The following CCDC136 variants were observed in gnomAD, a reference collection of about 807,000 sequenced individuals.
The protein encoded by CCDC136 is coiled-coil domain-containing protein 136.
A neutral mutation model predicts 141.2 loss-of-function variants in CCDC136; 100 were observed. That is an observed-to-expected ratio of 0.71 (90% confidence interval 0.60 to 0.84). The LOEUF is 0.84. Ranked by LOEUF, CCDC136 falls within the 40% of genes least tolerant of loss-of-function variation. The pLI is 0.00. For synonymous variants in CCDC136, 474 were observed against 531.9 expected (o/e 0.89, Z 1.50); for missense variants, 1,206 against 1,379.4 (o/e 0.87, Z 1.99).
chr7:128,791,871 G>A, upstream of CCDC136: 1 of 404,952 alleles, frequency 2.5e-6, no homozygotes, highest in Non-Finnish European at 4.0e-6. The surrounding 1 kb of genome is among the most constrained non-coding windows in gnomAD (Gnocchi z 7.1). Flanking sequence ...CGCGGGGCGA[G>A]GGTGGGGTGG....
upstream of CCDC136, chr7:128,791,800 G>A (rs908613095): frequency 7.7e-6 from 3 of 391,864 alleles, no homozygotes; most frequent in African/African-American, 4.1e-5. This position sits in a 1 kb window ranked among gnomAD's most constrained non-coding sequence, Gnocchi z 7.1. Flanking sequence ...TCAGTCCGAC[G>A]GTGCTTCCAG....
intron 3 of CCDC136, among the ~76,000 whole-genome samples, chr7:128,797,670 G>A (rs934610460): frequency 2.0e-5 from 3 of 152,340 alleles, no homozygotes; most frequent in Admixed American, 2.0e-4. Context: ...GGAAATGGGA[G>A]ATGAAGGTGA....
At chr7:128,798,513 A>G (rs1350696388) in intron 3 of CCDC136, among the ~76,000 whole-genome samples, 1 of 151,812 alleles carries the variant, frequency 6.6e-6, no homozygotes, top group Non-Finnish European at 1.5e-5. Flanking sequence ...CAGCCTCCCA[A>G]AGTGCTGGGA....
At position 128,817,990 on chromosome 7, in the gene CCDC136, T is replaced by C; in HGVS notation, c.*5+126T>C. 1.4e-6 allele frequency: 1 copy of C among 719,942 alleles called. No homozygotes were observed. The highest frequency in any genetic ancestry group is 2.4e-6 in the Non-Finnish European group (1 of 411,320). The allele number at this position is 719,942 out of a possible 1,614,324, so 44.6% of individuals were successfully genotyped here. ...TGTGCCATTTTATAATAGGTGATGC[T>C]CAGGTCTGAGTTTTAGTTCTGACTT... On this transcript the variant is annotated intron_variant, in intron 17 of 17. Coordinates refer to ENST00000297788, the MANE Select transcript of CCDC136 (RefSeq NM_022742.5). This position sits in a 1 kb window ranked among gnomAD's most constrained non-coding sequence, Gnocchi z 4.6.
upstream of CCDC136, chr7:128,791,530 G>A: frequency 2.3e-6 from 3 of 1,291,294 alleles, no homozygotes; most frequent in South Asian, 2.6e-5. This position sits in a 1 kb window ranked among gnomAD's most constrained non-coding sequence, Gnocchi z 7.1. Flanking sequence ...GGGAGCCGCG[G>A]GCTGGAGCTG....
intron 3 of CCDC136, among the ~76,000 whole-genome samples, chr7:128,800,315 G>A (rs1324396953): frequency 2.0e-5 from 3 of 152,014 alleles, no homozygotes; most frequent in Non-Finnish European, 1.5e-5. Context: ...TTTCGAGACC[G>A]AGTCTCACTC....
rs761716462 is a variant in CCDC136 at position 128,807,522 on chromosome 7, G to C, written c.1582G>C (p.Asp528His). ...CAAGGCCTCCCACCCCATTCCGGAG[G>C]ACAAAGGAAAGTGTGCTAATAAGGT... ...ELKASHPIPE[D>H]KGKCANKCDT... is the part of the protein sequence containing the mutation. Residue 528 changes from aspartate to histidine, a missense_variant, in exon 10 of 18, where the codon GAC becomes CAC. Physicochemically the swap from Asp to His is moderately conservative, Grantham distance 81. Transcript: ENST00000297788. 1 of 1,474,496 alleles carries C rather than the reference G, an allele frequency of 6.8e-7. No homozygotes were observed. Among genetic ancestry groups the C allele is most frequent in the East Asian group, 2.7e-5 (1 of 36,528 alleles). The allele number at this position is 1,474,496 out of a possible 1,614,324, so 91.3% of individuals were successfully genotyped here.
At chr7:128,796,837 G>T (rs1803084629) in intron 3 of CCDC136, among the ~76,000 whole-genome samples, 1 of 145,444 alleles carries the variant, frequency 6.9e-6, no homozygotes, top group African/African-American at 2.6e-5. Flanking sequence ...CGCCTCCCGG[G>T]TTCACGCCAT....
intron 10 of CCDC136, chr7:128,809,202 A>C: frequency 2.3e-6 from 1 of 428,538 alleles, no homozygotes; most frequent in South Asian, 3.8e-5. Flanking sequence ...CCCAGAAAGG[A>C]ATGGTGGAAG....
chr7:128,796,739 A>ATTTT (rs1554377202), intron 3 of CCDC136, among the ~76,000 whole-genome samples: 3 of 113,384 alleles, frequency 2.6e-5, no homozygotes, highest in African/African-American at 9.2e-5. Context: ...ATATATATAT[A>ATTTT]TTCTTTTTTT....
intron 3 of CCDC136, among the ~76,000 whole-genome samples, chr7:128,800,336 G>C (rs1386879669): frequency 6.6e-6 from 1 of 152,172 alleles, no homozygotes; most frequent in Non-Finnish European, 1.5e-5. Flanking sequence ...TGTTGCCCAG[G>C]CTGGAGTGCA....
chr7:128,797,101 C>T (rs1342464369), intron 3 of CCDC136, among the ~76,000 whole-genome samples: 1 of 152,076 alleles, frequency 6.6e-6, no homozygotes, highest in Non-Finnish European at 1.5e-5. Context: ...CAGGGGATAA[C>T]AGAGACATGA....
chr7:128,794,179 A>T lies in CCDC136; in HGVS notation c.17-169A>T. 1 of 849,444 alleles carries T rather than the reference A, an allele frequency of 1.2e-6. No homozygotes were observed. The highest frequency in any genetic ancestry group is 1.9e-6 in the Non-Finnish European group (1 of 520,760). The allele number at this position is 849,444 out of a possible 1,614,324, so 52.6% of individuals were successfully genotyped here. A position where few individuals can be genotyped will look rare whatever the true frequency, so the allele number is the denominator to read the frequency against. On this transcript the variant is annotated intron_variant, in intron 1 of 17. Coordinates refer to ENST00000297788, the MANE Select transcript of CCDC136 (RefSeq NM_022742.5). The surrounding 1 kb of genome is among the most constrained non-coding windows in gnomAD (Gnocchi z 4.3). ...GGGGCTGCTTCTCAACTTGACTCTC[A>T]CACCTGAGGACTCATCTTGAGTACA...
rs1226183337 is a variant in CCDC136 at position 128,821,949 on chromosome 7, C to G, written c.*156C>G. The stretch of plus-strand genomic sequence containing the variant: ...CAGCGCGAGGGCAGATCCCCAGTGG[C>G]CACCACCCTCAGCTTTGGGCAGGAC... On this transcript the variant is annotated 3_prime_UTR_variant, in exon 18 of 18. Coordinates refer to ENST00000297788, the MANE Select transcript of CCDC136 (RefSeq NM_022742.5). The surrounding 1 kb of genome is among the most constrained non-coding windows in gnomAD (Gnocchi z 5.1). 1 of 1,289,274 alleles carries G rather than the reference C, an allele frequency of 7.8e-7. No homozygotes were observed. The highest frequency in any genetic ancestry group is 1.0e-6 in the Non-Finnish European group (1 of 988,712). The allele number at this position is 1,289,274 out of a possible 1,614,324, so 79.9% of individuals were successfully genotyped here.
Position 128,805,917 on chromosome 7 carries a change from G to A in CCDC136, c.1089+16G>A, listed in dbSNP as rs1289934409. ...TGTCACCCAGGTAAACACTGCCCGG[G>A]GAGGCATCTGGGGTGGGGGCAGAAG... On this transcript the variant is annotated intron_variant, in intron 7 of 17. Transcript: ENST00000297788. The surrounding 1 kb of genome is among the most constrained non-coding windows in gnomAD (Gnocchi z 4.6). The A allele has an allele frequency of 4.3e-6, 7 of 1,613,474 alleles. No individual in the cohort carries two copies. In the South Asian group the frequency reaches 5.5e-5, roughly 13 times the overall value.
Position 128,817,361 on chromosome 7 carries a change from A to C in CCDC136, c.3364-397A>C, listed in dbSNP as rs1386159120. Among the ~76,000 whole-genome samples the C allele has an allele frequency of 2.0e-5, 3 of 152,180 alleles. No individual in the cohort carries two copies. Among genetic ancestry groups the C allele is most frequent in the Non-Finnish European group, 2.9e-5 (2 of 68,028 alleles). ...TAAGAAACTTAATGGAAAGCAGGCT[A>C]GAACAAAGGGACAGGTGACCTGGTA... On this transcript the variant is annotated intron_variant, in intron 16 of 17. Coordinates refer to ENST00000297788, the MANE Select transcript of CCDC136 (RefSeq NM_022742.5). The surrounding 1 kb of genome is among the most constrained non-coding windows in gnomAD (Gnocchi z 4.6).
At chr7:128,813,173 T>C (rs1216561555) in intron 14 of CCDC136, among the ~76,000 whole-genome samples, 2 of 152,220 alleles carry the variant, frequency 1.3e-5, no homozygotes, top group Non-Finnish European at 2.9e-5. Context: ...TGTTCTCTTT[T>C]GCTTTGTGTT....
chr7:128,808,507 A>G (rs918717982), intron 10 of CCDC136: 1 of 985,136 alleles, frequency 1.0e-6, no homozygotes. Flanking sequence ...TATCCTGTTG[A>G]GCACTTTCAG....
At chr7:128,796,739 A>ATATATATATATATATTTTTTTTTTTT in intron 3 of CCDC136, among the ~76,000 whole-genome samples, 3 of 113,384 alleles carry the variant, frequency 2.6e-5, no homozygotes, top group Non-Finnish European at 1.7e-5. Flanking sequence ...ATATATATAT[A>ATATATATATATATATTTTTTTTTTTT]TTCTTTTTTT....
Sources: gnomAD v4.1 joint callset for allele counts (sites outside exome capture counted in the v4.1 genomes callset) on GRCh38, gnomAD v4.1.1 for gene constraint, Gnocchi (gnomAD v3.1) non-coding constraint, MANE v1.5 for transcripts, NCBI Gene and HGNC (gene_info 2026-07-23, HGNC 2026-07-21) for gene names.